Variants in RANBP2 observed in about 807,000 individuals in gnomAD.
RANBP2 encodes E3 SUMO-protein ligase RanBP2.
Under a neutral mutation model 303.6 loss-of-function variants are expected in RANBP2, and 57 were observed. The ratio of observed to expected loss-of-function variants is 0.19; its 90% confidence interval spans 0.15 to 0.23. RANBP2 has a LOEUF of 0.23. Among genes scored for constraint, RANBP2 ranks in the 10% least tolerant of loss-of-function variants. The pLI is 1.00. For missense variants in RANBP2, 3,138 were observed against 3,780.8 expected, an observed-to-expected ratio of 0.83 and a Z score of 4.46; for synonymous variants, 1,167 against 1,301.5, an observed-to-expected ratio of 0.90 and a Z score of 2.23.
At chr2:108,924,997 A>T in the RANBP2 span, among the ~76,000 whole-genome samples, 1 of 151,392 alleles carries the variant, frequency 6.6e-6, no homozygotes, top group East Asian at 1.9e-4. Flanking sequence ...TCCCCATCTC[A>T]CCTCCTCTGT....
At chr2:109,740,540 A>C in the RANBP2 span, among the ~76,000 whole-genome samples, 1 of 152,236 alleles carries the variant, frequency 6.6e-6, no homozygotes, top group African/African-American at 2.4e-5. Flanking sequence ...CTCACATGAA[A>C]TATTCCCCAA....
chr2:109,080,879 A>G, the RANBP2 span, among the ~76,000 whole-genome samples: 1 of 152,232 alleles, frequency 6.6e-6, no homozygotes, highest in African/African-American at 2.4e-5. Context: ...ATTTAAAAGG[A>G]ACAGAAATGT....
chr2:109,048,499 T>C, the RANBP2 span, among the ~76,000 whole-genome samples: 1 of 152,210 alleles, frequency 6.6e-6, no homozygotes, highest in Non-Finnish European at 1.5e-5. Context: ...TGACCTTTCC[T>C]GGGTCACCAT....
the RANBP2 span, among the ~76,000 whole-genome samples, chr2:109,527,379 C>T: frequency 2.6e-5 from 4 of 152,122 alleles, no homozygotes; most frequent in South Asian, 4.1e-4. Flanking sequence ...TCCCCTGCAG[C>T]GGGAAAGGAG....
chr2:109,306,343 C>T, the RANBP2 span, among the ~76,000 whole-genome samples: 1 of 152,232 alleles, frequency 6.6e-6, no homozygotes, highest in Non-Finnish European at 1.5e-5. Flanking sequence ...TCCCTGCCTC[C>T]AACCCCTGCG....
chr2:109,022,033 G>A, the RANBP2 span, among the ~76,000 whole-genome samples: 4 of 152,306 alleles, frequency 2.6e-5, no homozygotes, highest in East Asian at 7.7e-4. Flanking sequence ...CAATTCGAAG[G>A]CTTTCTGGAA....
the RANBP2 span, among the ~76,000 whole-genome samples, chr2:109,389,813 G>A: frequency 1.3e-5 from 2 of 152,132 alleles, no homozygotes; most frequent in Non-Finnish European, 2.9e-5. Flanking sequence ...ATGCAGAAAT[G>A]CTTCCCTGAT....
At chr2:108,731,281 A>G (rs775948882) in intron 3 of RANBP2, 41 bp from the exon 4 acceptor site, 2 of 1,600,530 alleles carry the variant, frequency 1.2e-6, no homozygotes, top group South Asian at 1.1e-5. Context: ...ATACATACAT[A>G]CAATTTATTT....
At chr2:109,055,290 A>G in the RANBP2 span, among the ~76,000 whole-genome samples, 1 of 151,494 alleles carries the variant, frequency 6.6e-6, no homozygotes, top group Non-Finnish European at 1.5e-5. Flanking sequence ...TTGGTCAGCT[A>G]TATGTATCGT....
At chr2:109,381,553 A>G in the RANBP2 span, among the ~76,000 whole-genome samples, 6 of 152,094 alleles carry the variant, frequency 3.9e-5, no homozygotes, top group Admixed American at 3.9e-4. Context: ...CTCAGCTTCC[A>G]GTCCCCCGGG....
chr2:109,418,395 C>T, the RANBP2 span, among the ~76,000 whole-genome samples: 5 of 152,208 alleles, frequency 3.3e-5, no homozygotes, highest in Non-Finnish European at 7.4e-5. Context: ...TCGGAAGCCC[C>T]AAGTCAAGGT....
the RANBP2 span, among the ~76,000 whole-genome samples, chr2:108,892,548 T>C: frequency 6.6e-6 from 1 of 152,112 alleles, no homozygotes; most frequent in Non-Finnish European, 1.5e-5. Flanking sequence ...TTGAAAATGG[T>C]GTCTTGCTGT....
the RANBP2 span, chr2:109,129,804 G>A: frequency 2.0e-6 from 3 of 1,538,430 alleles, no homozygotes; most frequent in Middle Eastern, 1.8e-4. Context: ...TCGTGTGCTC[G>A]CGCCACGAGC....
chr2:109,121,638 T>A, the RANBP2 span, among the ~76,000 whole-genome samples: 2 of 152,178 alleles, frequency 1.3e-5, no homozygotes, highest in Non-Finnish European at 2.9e-5. Context: ...TGCTACACGT[T>A]CCTCCCGATC....
chr2:109,476,746 G>A, the RANBP2 span, among the ~76,000 whole-genome samples: 2 of 152,196 alleles, frequency 1.3e-5, no homozygotes, highest in Admixed American at 1.3e-4. Flanking sequence ...AAGAATAGCT[G>A]TTCCATAGAC....
the RANBP2 span, among the ~76,000 whole-genome samples, chr2:109,653,495 C>T: frequency 3.3e-5 from 5 of 152,086 alleles, no homozygotes; most frequent in East Asian, 3.9e-4. Context: ...GGCTGCTAGG[C>T]GCTGCTGTAG....
the RANBP2 span, among the ~76,000 whole-genome samples, chr2:109,536,338 A>C: frequency 6.6e-6 from 1 of 152,198 alleles, no homozygotes; most frequent in African/African-American, 2.4e-5. Context: ...CACCTCTTGC[A>C]TCACATGACC....
chr2:109,582,662 G>T, the RANBP2 span, among the ~76,000 whole-genome samples: 1 of 151,870 alleles, frequency 6.6e-6, no homozygotes, highest in African/African-American at 2.4e-5. Context: ...ATTTTTCACA[G>T]AATTAGAAAA....
chr2:109,277,496 T>C, the RANBP2 span, among the ~76,000 whole-genome samples: 60,391 of 152,056 alleles, frequency 0.4, 12,093 homozygotes, highest in South Asian at 0.44. Flanking sequence ...GGGCAGCTGC[T>C]GCATCTCCGA....
Sources: allele counts gnomAD v4.1 joint callset (sites outside exome capture counted in the v4.1 genomes callset), GRCh38; gene constraint gnomAD v4.1.1; transcripts MANE v1.5; gene names NCBI Gene and HGNC (gene_info 2026-07-23, HGNC 2026-07-21).